Variants in THOC5 observed in about 807,000 individuals in gnomAD.
The protein encoded by THOC5 is Fms-interacting protein.
In THOC5, 43 loss-of-function variants were observed where a neutral mutation model predicts 92.9. That is an observed-to-expected ratio of 0.46 (90% confidence interval 0.36 to 0.60). The LOEUF (loss-of-function observed/expected upper bound fraction) is 0.60. Among genes scored for constraint, THOC5 ranks in the 20% least tolerant of loss-of-function variants. THOC5 has a pLI of 0.00. For missense variants in THOC5, 659 were observed against 849.4 expected (o/e 0.78, Z 2.79); for synonymous variants, 296 against 320.1 (o/e 0.92, Z 0.80).
At chr22:29,552,949 G>A (rs2064202964) in intron 1 of THOC5, among the ~76,000 whole-genome samples, 2 of 152,088 alleles carry the variant, frequency 1.3e-5, no homozygotes, top group South Asian at 2.1e-4. Context: ...CCCCAACCCC[G>A]TGCTCTCTGA....
intron 12 of THOC5, 90 bp from the exon 13 acceptor site, chr22:29,521,189 C>G: frequency 2.2e-6 from 2 of 922,720 alleles, no homozygotes; most frequent in South Asian, 2.8e-5. Context: ...AATGCCACGT[C>G]TCACTGATGA....
At position 29,536,623 on chromosome 22, in the gene THOC5, C is replaced by T; in HGVS notation, c.714+1G>A. On this transcript the variant is annotated splice_donor_variant, in intron 7 of 19. Coordinates refer to ENST00000490103, the MANE Select transcript of THOC5 (RefSeq NM_003678.5). LOFTEE classifies it high-confidence loss of function. The stretch of plus-strand genomic sequence containing the variant: ...CAAAGCAAAAGGCCAGAGGGCCCCA[C>T]CTGCATGATGCTGTTGAGGCGGGGC... 6.3e-7 allele frequency: 1 copy of T among 1,594,510 alleles called. No individual in the cohort carries two copies. The highest frequency in any genetic ancestry group is 8.6e-7 in the Non-Finnish European group (1 of 1,162,014).
At chr22:29,544,877 A>C (rs2063982630) in intron 2 of THOC5, among the ~76,000 whole-genome samples, 1 of 152,176 alleles carries the variant, frequency 6.6e-6, no homozygotes, top group Non-Finnish European at 1.5e-5. Context: ...ATTGCCTATA[A>C]TTTCGCCTCT....
chr22:29,517,200 G>C, intron 16 of THOC5, 63 bp downstream of exon 16: 1 of 1,605,378 alleles, frequency 6.2e-7, no homozygotes, highest in South Asian at 1.1e-5. Context: ...GGCAGGAGCT[G>C]AAAGGTGACA....
At chr22:29,536,179 T>G (rs1046190615) in intron 7 of THOC5, 1 of 156,420 alleles carries the variant, frequency 6.4e-6, no homozygotes, top group Admixed American at 6.5e-5. Flanking sequence ...AAAGACATTA[T>G]GTTTTACAGG....
At chr22:29,538,273 C>T (rs539532223) in intron 6 of THOC5, among the ~76,000 whole-genome samples, 59 of 152,260 alleles carry the variant, frequency 3.9e-4, no homozygotes, top group African/African-American at 1.3e-3. Context: ...TGAGCCACCT[C>T]GCCTGGCTGA....
At chr22:29,551,571 G>A (rs552481766) in intron 1 of THOC5, among the ~76,000 whole-genome samples, 9 of 152,178 alleles carry the variant, frequency 5.9e-5, no homozygotes, top group East Asian at 1.9e-4. Flanking sequence ...GCAACAGAGC[G>A]AGACCCCATC....
intron 8 of THOC5, among the ~76,000 whole-genome samples, 186 bp from the exon 9 acceptor site, chr22:29,529,425 C>A (rs550395555): frequency 6.6e-6 from 1 of 152,224 alleles, no homozygotes; most frequent in South Asian, 2.1e-4. Context: ...CTTTTTTTTC[C>A]GTCATTTACT....
intron 4 of THOC5, 48 bp from the exon 5 acceptor site, chr22:29,543,004 G>A (rs1345549032): frequency 7.9e-6 from 11 of 1,401,090 alleles, no homozygotes; most frequent in Non-Finnish European, 1.0e-5. Flanking sequence ...TCAGGATGGA[G>A]CAGAGGAGAG....
chr22:29,511,030 C>G (rs1478582087), intron 19 of THOC5, 76 bp downstream of exon 19: 16 of 1,499,370 alleles, frequency 1.1e-5, no homozygotes, highest in Non-Finnish European at 1.5e-5. Flanking sequence ...GAAGCAAGCT[C>G]TCCCCAGAAA....
At position 29,551,942 on chromosome 22, in the gene THOC5, C is replaced by T. The variant is rs985611086; in HGVS notation, c.-12+1729G>A. Among the ~76,000 whole-genome samples the T allele has an allele frequency of 1.2e-4, 18 of 152,242 alleles. No individual in the cohort carries two copies. In the South Asian group the frequency reaches 2.7e-3, roughly 23 times the overall value. On this transcript the variant is annotated intron_variant, in intron 1 of 19. Coordinates refer to ENST00000490103, the MANE Select transcript of THOC5 (RefSeq NM_003678.5). ...CTGCAATTGCAGGCGCGCGCCGCCA[C>T]GCCTGACTGGTTTTCGTATTTTTTG...
intron 18 of THOC5, 76 bp from the exon 19 acceptor site, chr22:29,511,372 C>T (rs151119976): frequency 1.2e-4 from 177 of 1,516,798 alleles, no homozygotes; most frequent in Middle Eastern, 7.3e-4. Flanking sequence ...GCTTCCGTCC[C>T]TGGATGGGCC....
Position 29,517,073 on chromosome 22 carries a change from C to A in THOC5, c.1637G>T (p.Gly546Val), listed in dbSNP as rs1000173221. 5 of 1,614,030 alleles carry A rather than the reference C, an allele frequency of 3.1e-6. No individual in the cohort carries two copies. Among genetic ancestry groups the A allele is most frequent in the Admixed American group, 1.7e-5 (1 of 60,002 alleles). ...TKDIVDAGLA[G>V]DTNLYYMALI... ...CGCCATGTAGTAGAGATTGGTGTCCCCAGCCAGTCCCGCATCCACAATGTC... is the reference window on the plus strand; with the variant it reads ...CGCCATGTAGTAGAGATTGGTGTCCACAGCCAGTCCCGCATCCACAATGTC... Residue 546 changes from glycine to valine, a missense_variant, in exon 17 of 20, where the codon GGG (glycine) becomes GTG (valine). Gly to Val is a moderately radical substitution (Grantham distance 109). Coordinates refer to ENST00000490103, the MANE Select transcript of THOC5 (RefSeq NM_003678.5).
Position 29,541,879 on chromosome 22 carries a change from A to T in THOC5, c.452+980T>A, listed in dbSNP as rs1217082482. On this transcript the variant is annotated intron_variant, in intron 5 of 19. Transcript: ENST00000490103. ...CCATCTCCAAAAAAAAAAAAAAAAA[A>T]AAAAAAAAAAAAAAATATATATATA... Among the ~76,000 whole-genome samples the T allele has an allele frequency of 3.2e-4, 23 of 70,832 alleles. 3 individuals are homozygous for T. In the East Asian group the frequency reaches 3.6e-3, roughly 11 times the overall value. The allele number at this position is 70,832 out of a possible 152,430, so 46.5% of individuals were successfully genotyped here.
Position 29,520,016 on chromosome 22 carries a change from G to A in THOC5, c.1366C>T (p.Gln456Ter). ...GAGATCAGTGTACAGACCTGGGGCT[G>A]CTCTTTGGGGAAGTGGAGGCCACCC... ...KLGGLHFPKE[Q>*]PQQTVIADHS... The change falls in exon 14 of 20, where the codon CAG (glutamine) becomes TAG (stop). Residue 456 changes from glutamine to a stop codon, truncating the protein, a stop_gained. Transcript: ENST00000490103. LOFTEE classifies it high-confidence loss of function. 6.2e-7 allele frequency: 1 copy of A among 1,613,472 alleles called. No individual in the cohort carries two copies. The highest frequency in any genetic ancestry group is 1.3e-5 in the African/African-American group (1 of 75,020).
At chr22:29,544,945 G>T in intron 2 of THOC5, 1 of 291,706 alleles carries the variant, frequency 3.4e-6, no homozygotes, top group Non-Finnish European at 6.7e-6. Context: ...TAAACAAAAC[G>T]GGATCATACT....
chr22:29,516,301 A>T (rs983052689), intron 17 of THOC5, among the ~76,000 whole-genome samples: 7 of 152,056 alleles, frequency 4.6e-5, no homozygotes, highest in South Asian at 4.1e-4. Context: ...TTTTTTTTTT[A>T]AAAGACATGA....
intron 9 of THOC5, 25 bp downstream of exon 9, chr22:29,529,137 G>A (rs370936465): frequency 9.1e-5 from 147 of 1,612,806 alleles, no homozygotes; most frequent in Non-Finnish European, 1.2e-4. Flanking sequence ...TGTCCCTGGG[G>A]GACGAATCCC....
intron 14 of THOC5, 51 bp downstream of exon 14, chr22:29,519,957 G>A: frequency 1.3e-6 from 2 of 1,501,702 alleles, no homozygotes; most frequent in African/African-American, 1.4e-5. Flanking sequence ...GTCTATACAG[G>A]AAGAGAAGAG....
Sources: allele counts gnomAD v4.1 joint callset (sites outside exome capture counted in the v4.1 genomes callset), GRCh38; gene constraint gnomAD v4.1.1; transcripts MANE v1.5; gene names NCBI Gene and HGNC (gene_info 2026-07-23, HGNC 2026-07-21).